TOX: variants seen among roughly 807,000 people sequenced by gnomAD.
TOX encodes thymocyte selection-associated high mobility group box protein TOX.
A neutral mutation model predicts 53.7 loss-of-function variants in TOX; 11 were observed. That is an observed-to-expected ratio of 0.20 (90% CI 0.13 to 0.34). The LOEUF (loss-of-function observed/expected upper bound fraction) is 0.34. TOX is among the 10% of genes least tolerant of loss of function. The pLI is 1.00. For missense variants in TOX, 570 were observed against 664.6 expected (o/e 0.86, Z 1.56); for synonymous variants, 225 against 245.3 (o/e 0.92, Z 0.77).
intron 1 of TOX, among the ~76,000 whole-genome samples, chr8:58,986,470 G>A (rs908904426): frequency 6.6e-6 from 1 of 152,220 alleles, no homozygotes; most frequent in African/African-American, 2.4e-5. Context: ...AACCTCCAGA[G>A]TCAGGAAGTG....
chr8:58,891,950 C>T (rs1461925971), intron 3 of TOX, among the ~76,000 whole-genome samples: 2 of 152,120 alleles, frequency 1.3e-5, no homozygotes, highest in South Asian at 2.1e-4. Context: ...TCGCATCACC[C>T]GGTTTCTACT....
At chr8:58,991,955 G>A (rs1167871581) in intron 1 of TOX, 3 of 152,212 alleles carry the variant, frequency 2.0e-5, no homozygotes, top group Non-Finnish European at 2.9e-5. Context: ...TCTTGGCCTC[G>A]GCAGGGCTGA....
chr8:59,012,885 C>T (rs369444304), intron 1 of TOX, among the ~76,000 whole-genome samples: 4 of 149,806 alleles, frequency 2.7e-5, no homozygotes, highest in Middle Eastern at 3.5e-3. Flanking sequence ...TCCCAGACAG[C>T]GTACTCTTTC....
intron 2 of TOX, among the ~76,000 whole-genome samples, chr8:58,939,855 T>A (rs1812406310): frequency 6.6e-6 from 1 of 152,212 alleles, no homozygotes; most frequent in Non-Finnish European, 1.5e-5. Context: ...GAATACCTCT[T>A]TCATGGGAAT....
chr8:59,116,974 A>T (rs2129425318), intron 1 of TOX, among the ~76,000 whole-genome samples: 1 of 152,308 alleles, frequency 6.6e-6, no homozygotes, highest in African/African-American at 2.4e-5. Flanking sequence ...GTAATTCCTG[A>T]TTTTCCAAAG....
intron 3 of TOX, among the ~76,000 whole-genome samples, chr8:58,895,118 G>A (rs576141449): frequency 5.6e-4 from 85 of 152,142 alleles, no homozygotes; most frequent in Non-Finnish European, 9.6e-4. Context: ...AACCGGGGAG[G>A]GGGAGGTTGC....
rs10649827 is a variant in TOX at position 58,897,703 on chromosome 8, C to CTTTTTTT, written c.411+41592_411+41598dup. On this transcript the variant is annotated intron_variant, in intron 3 of 8. Transcript: ENST00000361421. ...AGTGGGATTTCATTTAAATGGAAGT[C>CTTTTTTT]TTTTTTTTTTAACACATCCTACATA... 1.9e-3 allele frequency among the ~76,000 whole-genome samples: 285 copies of CTTTTTTT among 148,482 alleles called. 6 individuals carry two copies. Among genetic ancestry groups the CTTTTTTT allele is most frequent in the East Asian group, 9.9e-3 (50 of 5,040 alleles).
At chr8:59,092,933 G>A (rs1283952043) in intron 1 of TOX, among the ~76,000 whole-genome samples, 2 of 152,138 alleles carry the variant, frequency 1.3e-5, no homozygotes, top group East Asian at 1.9e-4. Flanking sequence ...ATAAACTATT[G>A]TTTTCTTTAG....
intron 1 of TOX, among the ~76,000 whole-genome samples, chr8:59,086,669 C>T (rs1047590380): frequency 4.6e-5 from 7 of 152,184 alleles, no homozygotes; most frequent in African/African-American, 1.7e-4. Context: ...TCAATATTAT[C>T]AGTCAGGCAA....
intron 1 of TOX, among the ~76,000 whole-genome samples, chr8:59,006,800 T>C (rs1813798435): frequency 6.6e-6 from 1 of 152,150 alleles, no homozygotes; most frequent in African/African-American, 2.4e-5. Context: ...AGAAAATAAA[T>C]GGGATCTTTT....
chr8:59,053,563 C>T (rs907320209), intron 1 of TOX, among the ~76,000 whole-genome samples: 9 of 152,144 alleles, frequency 5.9e-5, no homozygotes, highest in African/African-American at 2.2e-4. Context: ...ATGTTCTGTT[C>T]TGTACTGACA....
chr8:59,018,631 T>C (rs921769580), intron 1 of TOX, among the ~76,000 whole-genome samples: 15 of 152,112 alleles, frequency 9.9e-5, no homozygotes, highest in African/African-American at 2.2e-4. Flanking sequence ...TTTTACTCTC[T>C]GGGGTGTTCC....
chr8:58,943,927 CTT>C (rs538454806), intron 2 of TOX, among the ~76,000 whole-genome samples: 41 of 152,300 alleles, frequency 2.7e-4, no homozygotes, highest in South Asian at 8.3e-4. Context: ...CAGGCCAACA[CTT>C]TTAATTTTAT....
intron 3 of TOX, among the ~76,000 whole-genome samples, chr8:58,868,716 T>C (rs1261228600): frequency 2.0e-5 from 3 of 151,998 alleles, no homozygotes; most frequent in African/African-American, 7.2e-5. Flanking sequence ...CCATTAAATA[T>C]ATAAGAAAAG....
chr8:59,061,073 C>A (rs946397383), intron 1 of TOX, among the ~76,000 whole-genome samples: 1 of 152,026 alleles, frequency 6.6e-6, no homozygotes, highest in Non-Finnish European at 1.5e-5. Context: ...AATAAGTCAG[C>A]AAAGATTACA....
chr8:58,882,463 A>G (rs551601603), intron 3 of TOX, among the ~76,000 whole-genome samples: 1 of 152,314 alleles, frequency 6.6e-6, no homozygotes, highest in South Asian at 2.1e-4. Flanking sequence ...CTGCAATTTC[A>G]TAGTAGCTCT....
At chr8:59,040,530 G>C (rs947459892) in intron 1 of TOX, among the ~76,000 whole-genome samples, 6 of 152,152 alleles carry the variant, frequency 3.9e-5, no homozygotes, top group African/African-American at 1.4e-4. Flanking sequence ...CTGTGCTAAA[G>C]GCACTAATCA....
chr8:58,914,945 G>A (rs944807871), intron 3 of TOX, among the ~76,000 whole-genome samples: 2 of 152,004 alleles, frequency 1.3e-5, no homozygotes, highest in Admixed American at 6.5e-5. Context: ...GGTGATGGAC[G>A]CACCTGGAAA....
chr8:58,988,713 T>C (rs1245931257), intron 1 of TOX, among the ~76,000 whole-genome samples: 2 of 152,232 alleles, frequency 1.3e-5, no homozygotes, highest in Non-Finnish European at 2.9e-5. Context: ...TAAAGCTTAC[T>C]ACAGGACTTC....
Sources: allele counts gnomAD v4.1 joint callset (sites outside exome capture counted in the v4.1 genomes callset), GRCh38; gene constraint gnomAD v4.1.1; transcripts MANE v1.5; gene names NCBI Gene and HGNC (gene_info 2026-07-23, HGNC 2026-07-21).